Variants in ERN1 observed in about 807,000 individuals in gnomAD.
ERN1 encodes serine/threonine-protein kinase/endoribonuclease IRE1.
A neutral mutation model predicts 113.1 loss-of-function variants in ERN1; 39 were observed. The ratio of observed to expected loss-of-function variants is 0.34; its 90% confidence interval spans 0.27 to 0.45. ERN1 has a LOEUF of 0.45. Among genes scored for constraint, ERN1 ranks in the 20% least tolerant of loss-of-function variants. The pLI is 1.00. For missense variants in ERN1, 976 were observed against 1,274.8 expected, an observed-to-expected ratio of 0.77 and a Z score of 3.57; for synonymous variants, 507 against 515.9, an observed-to-expected ratio of 0.98 and a Z score of 0.23.
chr17:64,056,265 CATGA>C (rs1912866948), intron 12 of ERN1, among the ~76,000 whole-genome samples: 1 of 152,206 alleles, frequency 6.6e-6, no homozygotes, highest in Non-Finnish European at 1.5e-5. Flanking sequence ...CTGTGATTTT[CATGA>C]AAGTCTGAGA....
intron 1 of ERN1, among the ~76,000 whole-genome samples, chr17:64,123,856 T>C (rs146185619): frequency 2.2e-4 from 34 of 152,348 alleles, no homozygotes; most frequent in Middle Eastern, 3.4e-3. Flanking sequence ...ATCCATTCCA[T>C]TCAGAGAAAT....
At chr17:64,098,093 T>C (rs1182508570) in intron 2 of ERN1, 28 bp downstream of exon 2, 1 of 1,613,342 alleles carries the variant, frequency 6.2e-7, no homozygotes, top group Non-Finnish European at 8.5e-7. Context: ...CAAATGTCCA[T>C]GTCGCCCAAG....
intron 10 of ERN1, among the ~76,000 whole-genome samples, chr17:64,061,238 G>A (rs910670787): frequency 1.3e-5 from 2 of 152,192 alleles, no homozygotes; most frequent in Non-Finnish European, 2.9e-5. Context: ...GAGATACAAA[G>A]CTGACTAGAA....
chr17:64,080,344 C>G (rs1367746507), intron 3 of ERN1: 1 of 168,594 alleles, frequency 5.9e-6, no homozygotes, highest in East Asian at 1.7e-4. Flanking sequence ...ACTACAGTCC[C>G]TCAGAAACCC....
Position 64,110,502 on chromosome 17 carries a change from T to C in ERN1, c.55-12261A>G, listed in dbSNP as rs144963758. Reference sequence around the variant, plus strand: ...TGTCCTTTGATGAAGACGATGATAATGTAGCCACTGCCAATTCCTTTGATG... The same window carrying C: ...TGTCCTTTGATGAAGACGATGATAACGTAGCCACTGCCAATTCCTTTGATG... On this transcript the variant is annotated intron_variant, in intron 1 of 21. Coordinates refer to ENST00000433197, the MANE Select transcript of ERN1 (RefSeq NM_001433.5). Among the ~76,000 whole-genome samples the C allele has an allele frequency of 2.2e-3, 338 of 152,358 alleles. 4 individuals carry two copies. The highest frequency in any genetic ancestry group is 7.8e-3 in the African/African-American group (323 of 41,586).
chr17:64,102,977 TG>T, intron 1 of ERN1: 1 of 984,796 alleles, frequency 1.0e-6, no homozygotes, highest in East Asian at 1.1e-4. Flanking sequence ...CTGTGGAGGG[TG>T]GGAAGGGTAG....
intron 2 of ERN1, among the ~76,000 whole-genome samples, chr17:64,097,029 A>G (rs1189843774): frequency 6.6e-6 from 1 of 152,240 alleles, no homozygotes; most frequent in Non-Finnish European, 1.5e-5. Context: ...TTCATTTTAA[A>G]AACATTAAAA....
At position 64,054,559 on chromosome 17, in the gene ERN1, C is replaced by G; in HGVS notation, c.1764-120G>C. 1.8e-6 allele frequency: 2 copies of G among 1,113,232 alleles called. No homozygotes were observed. Among genetic ancestry groups the G allele is most frequent in the Non-Finnish European group, 2.6e-6 (2 of 782,000 alleles). 69.0% of individuals were successfully genotyped at this position (1,113,232 alleles called of 1,614,324 possible). A position where few individuals can be genotyped will look rare whatever the true frequency, so the allele number is the denominator to read the frequency against. ...TCCCAGCCTAGAGAGCCCCGCCTGACTGCCTGGTGGCCCCGGAATCATCGC... is the reference window on the plus strand; with the variant it reads ...TCCCAGCCTAGAGAGCCCCGCCTGAGTGCCTGGTGGCCCCGGAATCATCGC... On this transcript the variant is annotated intron_variant, in intron 14 of 21. Transcript: ENST00000433197. The surrounding 1 kb of genome is among the most constrained non-coding windows in gnomAD (Gnocchi z 4.9).
chr17:64,105,669 T>G (rs902004366), intron 1 of ERN1, among the ~76,000 whole-genome samples: 1 of 152,126 alleles, frequency 6.6e-6, no homozygotes, highest in African/African-American at 2.4e-5. Flanking sequence ...TTTATTTATT[T>G]AAGGTTAAGA....
At chr17:64,117,198 T>C (rs1183326238) in intron 1 of ERN1, among the ~76,000 whole-genome samples, 2 of 152,088 alleles carry the variant, frequency 1.3e-5, no homozygotes, top group Non-Finnish European at 2.9e-5. Context: ...ACCCCAGCAC[T>C]TTGGGAGGCC....
At chr17:64,071,927 C>T (rs929694554) in intron 6 of ERN1, 54 bp downstream of exon 6, 8 of 1,546,278 alleles carry the variant, frequency 5.2e-6, no homozygotes, top group South Asian at 1.2e-5. Flanking sequence ...TGGGGAGCTT[C>T]TTCCGATCTT....
At chr17:64,059,947 T>A (rs1354685187) in intron 11 of ERN1, among the ~76,000 whole-genome samples, 2 of 148,842 alleles carry the variant, frequency 1.3e-5, no homozygotes, top group African/African-American at 5.0e-5. Flanking sequence ...TGCCTTGGTC[T>A]CCCAAAGCAC....
intron 1 of ERN1, among the ~76,000 whole-genome samples, chr17:64,116,374 G>A (rs1219361840): frequency 1.3e-5 from 2 of 152,086 alleles, no homozygotes; most frequent in Non-Finnish European, 2.9e-5. Context: ...CCAGTTAGTC[G>A]AGCACCAAAA....
rs1371356897 is a variant in ERN1 at position 64,068,201 on chromosome 17, T to G, written c.569A>C (p.Asp190Ala). 6.2e-7 allele frequency: 1 copy of G among 1,608,852 alleles called. No individual in the cohort carries two copies. The highest frequency in any genetic ancestry group is 1.3e-5 in the African/African-American group (1 of 74,854). The change falls in exon 7 of 22, where the codon GAC becomes GCC. Residue 190 changes from aspartate (D) to alanine (A), a missense_variant. Coordinates refer to ENST00000433197, the MANE Select transcript of ERN1 (RefSeq NM_001433.5). ...FDYAASLPEDDVDYKMSHFVS... is the reference protein window; with the variant it reads ...FDYAASLPEDAVDYKMSHFVS... ...CAGAGAGCACTTACTGTAGTCCACGTCGTCCTCAGGCAGTGAGGCCGCATA... is the reference window on the plus strand; with the variant it reads ...CAGAGAGCACTTACTGTAGTCCACGGCGTCCTCAGGCAGTGAGGCCGCATA...
intron 18 of ERN1, among the ~76,000 whole-genome samples, chr17:64,048,399 C>T (rs918887166): frequency 7.2e-5 from 11 of 152,138 alleles, no homozygotes; most frequent in Admixed American, 2.0e-4. Flanking sequence ...ACTGGAATAA[C>T]GTATATGCAA....
intron 9 of ERN1, 131 bp from the exon 10 acceptor site, chr17:64,064,282 A>G: frequency 1.0e-6 from 1 of 981,252 alleles, no homozygotes; most frequent in Non-Finnish European, 1.5e-6. Context: ...AGCAAGACAC[A>G]AAGGCCCAAA....
rs1012379046 is a variant in ERN1 at position 64,043,288 on chromosome 17, G to C, written c.*700C>G. ...CCACTGTTCTGGCCACTGGCACTGGGCCACGGCTGCCTCCAGAACAGAGCA... is the reference window on the plus strand; with the variant it reads ...CCACTGTTCTGGCCACTGGCACTGGCCCACGGCTGCCTCCAGAACAGAGCA... On this transcript the variant is annotated 3_prime_UTR_variant, in exon 22 of 22. Transcript: ENST00000433197. 1 of 152,542 alleles carries C rather than the reference G, an allele frequency of 6.6e-6. No homozygotes were observed. Among genetic ancestry groups the C allele is most frequent in the Non-Finnish European group, 1.5e-5 (1 of 68,236 alleles). The allele number at this position is 152,542 out of a possible 1,614,324, so 9.4% of individuals were successfully genotyped here.
Position 64,044,120 on chromosome 17 carries a change from T to G in ERN1, c.2802A>C (p.Thr934=), listed in dbSNP as rs196912. 6.2e-7 allele frequency: 1 copy of G among 1,610,324 alleles called. No homozygotes were observed. Among genetic ancestry groups the G allele is most frequent in the Non-Finnish European group, 8.5e-7 (1 of 1,178,038 alleles). Residue 934 remains threonine (T), a synonymous_variant, in exon 22 of 22, where the codon ACA becomes ACC. Transcript: ENST00000433197. This position sits in a 1 kb window ranked among gnomAD's most constrained non-coding sequence, Gnocchi z 4.1. ...GTGCGAGGAGGTGGGGGAAGCGAGATGTGAAGTAGCACACGAAGTCGTCGG... is the reference window on the plus strand; with the variant it reads ...GTGCGAGGAGGTGGGGGAAGCGAGAGGTGAAGTAGCACACGAAGTCGTCGG... ...SLPDDFVCYF[T]SRFPHLLAHT... is the part of the protein sequence containing the mutation.
chr17:64,089,318 CAAAAAAAAAAAAAAAA>C (rs34094164), intron 2 of ERN1, among the ~76,000 whole-genome samples: 3 of 24,236 alleles, frequency 1.2e-4, no homozygotes, highest in Non-Finnish European at 3.4e-4. Flanking sequence ...GAATCCATCT[CAAAAAAAAAAAAAAAA>C]AAAAAAAAAA....
Sources: gnomAD v4.1 joint callset for allele counts (sites outside exome capture counted in the v4.1 genomes callset) on GRCh38, gnomAD v4.1.1 for gene constraint, Gnocchi (gnomAD v3.1) non-coding constraint, MANE v1.5 for transcripts, NCBI Gene and HGNC (gene_info 2026-07-23, HGNC 2026-07-21) for gene names.